Variants in DMD observed in about 807,000 individuals in gnomAD.
DMD encodes mutant dystrophin.
Under a neutral mutation model 330.1 loss-of-function variants are expected in DMD, and 63 were observed. The ratio of observed to expected loss-of-function variants is 0.19; its 90% CI spans 0.16 to 0.24. The LOEUF (loss-of-function observed/expected upper bound fraction) is 0.24, where lower values mean the gene tolerates loss of function less well. DMD is among the 10% of genes least tolerant of loss of function. The probability of loss-of-function intolerance (pLI) is 1.00; values close to 1 mark genes in which losing one functional copy is unlikely to be tolerated. For missense variants in DMD, 3,344 were observed against 2,684.1 expected, an observed-to-expected ratio of 1.25 and a Z score of -5.43; for synonymous variants, 1,223 against 959.8, an observed-to-expected ratio of 1.27 and a Z score of -5.07.
intron 45 of DMD, among the ~76,000 whole-genome samples, chrX:31,964,679 A>G (rs761079909): frequency 9.1e-6 from 1 of 110,005 alleles, no homozygotes. Flanking sequence ...CGAGAGAAAA[A>G]AAGCATATAT....
At chrX:31,181,884 T>C (rs371397043) in intron 68 of DMD, among the ~76,000 whole-genome samples, 15 of 112,350 alleles carry the variant, frequency 1.3e-4, no homozygotes, top group African/African-American at 4.9e-4. Context: ...TATTCATCAC[T>C]ATAGAAACCT....
intron 41 of DMD, among the ~76,000 whole-genome samples, chrX:32,326,365 AT>A (rs1452714311): frequency 8.9e-6 from 1 of 112,394 alleles, no homozygotes; most frequent in African/African-American, 3.2e-5. Flanking sequence ...TTCAGCAGGC[AT>A]TTTTTTCAAA....
intron 44 of DMD, among the ~76,000 whole-genome samples, chrX:32,043,793 T>A (rs1041733287): frequency 8.9e-6 from 1 of 112,256 alleles, no homozygotes; most frequent in African/African-American, 3.2e-5. Flanking sequence ...CCATGTATTT[T>A]AATCATTATA....
At chrX:32,671,102 A>G (rs1204456798) in intron 9 of DMD, among the ~76,000 whole-genome samples, 2 of 111,151 alleles carry the variant, frequency 1.8e-5, no homozygotes, top group East Asian at 5.6e-4. Context: ...GGGTCGGTAC[A>G]AATTGTTAAT....
chrX:32,802,414 G>T (rs1273439441), intron 7 of DMD, among the ~76,000 whole-genome samples: 1 of 111,478 alleles, frequency 9.0e-6, no homozygotes, highest in Non-Finnish European at 1.9e-5. Flanking sequence ...GAGATGATGG[G>T]GTTTTCTAAA....
At chrX:32,985,266 G>T (rs936685762) in intron 2 of DMD, among the ~76,000 whole-genome samples, 1 of 111,416 alleles carries the variant, frequency 9.0e-6, no homozygotes, top group Non-Finnish European at 1.9e-5. Context: ...GATAATTTTA[G>T]GACTTTACAT....
At chrX:32,660,407 G>C (rs56361250) in intron 9 of DMD, among the ~76,000 whole-genome samples, 1 of 110,743 alleles carries the variant, frequency 9.0e-6, no homozygotes, top group African/African-American at 3.3e-5. Context: ...TAAGTGAGGT[G>C]AACATAGAAA....
intron 44 of DMD, among the ~76,000 whole-genome samples, chrX:32,081,264 A>G (rs1412845280): frequency 8.9e-6 from 1 of 112,113 alleles, no homozygotes; most frequent in Non-Finnish European, 1.9e-5. Flanking sequence ...TCAACAACAG[A>G]GTGCACACTG....
At chrX:32,734,245 C>A (rs2068109551) in intron 7 of DMD, among the ~76,000 whole-genome samples, 2 of 103,701 alleles carry the variant, frequency 1.9e-5, no homozygotes, top group South Asian at 9.1e-4. Flanking sequence ...AGACCAATAA[C>A]AGGATCTGAA....
chrX:33,038,721 C>A (rs995061289), intron 1 of DMD, among the ~76,000 whole-genome samples: 1 of 112,159 alleles, frequency 8.9e-6, no homozygotes, highest in African/African-American at 3.2e-5. Flanking sequence ...TGGCTGGGCA[C>A]GGTGACTCAC....
intron 18 of DMD, among the ~76,000 whole-genome samples, chrX:32,505,734 A>G (rs759913456): frequency 8.9e-6 from 1 of 112,204 alleles, no homozygotes; most frequent in Non-Finnish European, 1.9e-5. Context: ...TGTATTTGCC[A>G]AGACTTGGAA....
intron 45 of DMD, among the ~76,000 whole-genome samples, chrX:31,950,836 T>C (rs942543372): frequency 9.2e-6 from 1 of 108,993 alleles, no homozygotes; most frequent in African/African-American, 3.3e-5. Context: ...ATAGTACCTC[T>C]TTTTTCTTTG....
intron 47 of DMD, among the ~76,000 whole-genome samples, chrX:31,890,340 T>C (rs762614810): frequency 2.1e-4 from 20 of 95,570 alleles, no homozygotes; most frequent in South Asian, 4.6e-4. Flanking sequence ...AGTGAGATTG[T>C]TGTTTCAAAA....
intron 44 of DMD, among the ~76,000 whole-genome samples, chrX:31,991,892 C>T (rs897628302): frequency 1.8e-4 from 20 of 111,723 alleles, no homozygotes; most frequent in African/African-American, 6.5e-4. Flanking sequence ...TTAAGGAATG[C>T]CCATTATGTT....
At chrX:31,129,465 A>G (rs2034194423) in intron 77 of DMD, among the ~76,000 whole-genome samples, 1 of 112,082 alleles carries the variant, frequency 8.9e-6, no homozygotes, top group African/African-American at 3.2e-5. Flanking sequence ...GTCAGAATGG[A>G]CAACGAAATA....
chrX:32,859,461 TCACA>T (rs35537635), intron 2 of DMD, among the ~76,000 whole-genome samples: 6,590 of 85,835 alleles, frequency 0.077, 228 homozygotes, highest in Middle Eastern at 0.14. Flanking sequence ...AAGCAAGATC[TCACA>T]CACACACACA....
chrX:31,297,497 A>G (rs922964078), intron 62 of DMD, among the ~76,000 whole-genome samples: 1 of 112,042 alleles, frequency 8.9e-6, no homozygotes, highest in Non-Finnish European at 1.9e-5. Flanking sequence ...GACTTTATTT[A>G]GATTTTGGCT....
At chrX:31,409,087 C>T (rs2061531071) in intron 60 of DMD, among the ~76,000 whole-genome samples, 1 of 111,565 alleles carries the variant, frequency 9.0e-6, no homozygotes, top group African/African-American at 3.3e-5. Context: ...TTTCCAGCTT[C>T]ATCCATGTCC....
intron 55 of DMD, among the ~76,000 whole-genome samples, chrX:31,570,385 T>C (rs1468771677): frequency 1.8e-5 from 2 of 111,412 alleles, no homozygotes; most frequent in East Asian, 5.6e-4. Flanking sequence ...GCCTGCCTGG[T>C]TTCTTCTCCA....
Sources: allele counts gnomAD v4.1 joint callset (sites outside exome capture counted in the v4.1 genomes callset), GRCh38; gene constraint gnomAD v4.1.1; transcripts MANE v1.5; gene names NCBI Gene and HGNC (gene_info 2026-07-23, HGNC 2026-07-21).